C2orf92: variants seen among roughly 807,000 people sequenced by gnomAD.
C2orf92 encodes chromosome 2 open reading frame 92, also known as uncharacterized protein C2orf92.
intron 5 of C2orf92, among the ~76,000 whole-genome samples, chr2:97,697,750 CAG>C (rs1676357128): frequency 2.0e-5 from 3 of 152,136 alleles, no homozygotes; most frequent in South Asian, 4.2e-4. Flanking sequence ...TCTTTTGAGA[CAG>C]GGTCTCGCTC....
chr2:97,690,749 G>T (rs971375925), intron 5 of C2orf92, among the ~76,000 whole-genome samples: 1 of 148,354 alleles, frequency 6.7e-6, no homozygotes, highest in African/African-American at 2.5e-5. Flanking sequence ...AGACTCTCTT[G>T]TAGAGAGTAC....
At chr2:97,681,879 T>G (rs1006671608) in intron 3 of C2orf92, among the ~76,000 whole-genome samples, 5 of 151,250 alleles carry the variant, frequency 3.3e-5, no homozygotes, top group African/African-American at 1.2e-4. Flanking sequence ...GGGGGGATCT[T>G]AAATAAATAA....
intron 3 of C2orf92, among the ~76,000 whole-genome samples, chr2:97,676,267 A>G (rs893049120): frequency 6.6e-6 from 1 of 151,436 alleles, no homozygotes; most frequent in African/African-American, 2.4e-5. Context: ...CCCTATCTCT[A>G]CTCAAAAAAT....
intron 5 of C2orf92, among the ~76,000 whole-genome samples, chr2:97,695,684 A>G (rs1676283277): frequency 6.6e-6 from 1 of 152,164 alleles, no homozygotes; most frequent in African/African-American, 2.4e-5. Flanking sequence ...TTACTTTCAA[A>G]TCTTTATTTT....
intron 5 of C2orf92, among the ~76,000 whole-genome samples, chr2:97,696,463 G>T (rs930382256): frequency 1.8e-4 from 28 of 152,324 alleles, no homozygotes; most frequent in East Asian, 3.9e-4. Context: ...AAGGCTGGGT[G>T]TGGTGGCTCA....
chr2:97,666,259 C>A (rs1334728149), upstream of C2orf92, among the ~76,000 whole-genome samples: 1 of 147,730 alleles, frequency 6.8e-6, no homozygotes, highest in South Asian at 2.3e-4. Context: ...GAGTTGGGGC[C>A]GGGCGCGGTG....
chr2:97,695,736 CTTTCT>C lies in C2orf92; in HGVS notation c.404-3266_404-3262del, dbSNP rs372334285. Among the ~76,000 whole-genome samples, 690 of 151,400 alleles carry C rather than the reference CTTTCT, an allele frequency of 4.6e-3. 3 individuals are homozygous for C. The highest frequency in any genetic ancestry group is 6.8e-3 in the Middle Eastern group (2 of 294). On this transcript the variant is annotated intron_variant, in intron 5 of 7. Coordinates refer to ENST00000627399, the MANE Select transcript of C2orf92 (RefSeq NM_001351368.2). Reference sequence around the variant, plus strand: ...AGGACAACATTTTTTCTTTTATTTTCTTTCTTTTCTTTTCTTTTCTTTTCTTTTTC... The same window carrying C: ...AGGACAACATTTTTTCTTTTATTTTCTTTCTTTTCTTTTCTTTTCTTTTTC...
intron 3 of C2orf92, among the ~76,000 whole-genome samples, chr2:97,685,651 C>T (rs947180858): frequency 3.3e-5 from 5 of 152,072 alleles, no homozygotes; most frequent in Non-Finnish European, 7.4e-5. Flanking sequence ...CAACCTCCAC[C>T]TCCCAAGTTC....
chr2:97,664,008 C>A (rs369043931), upstream of C2orf92: 20 of 533,488 alleles, frequency 3.7e-5, no homozygotes, highest in East Asian at 4.8e-4. Flanking sequence ...CCTCCCTCCC[C>A]GAGCCTGCAG....
chr2:97,689,950 G>T (rs7425742), intron 4 of C2orf92, among the ~76,000 whole-genome samples: 1 of 151,982 alleles, frequency 6.6e-6, no homozygotes, highest in Non-Finnish European at 1.5e-5. Flanking sequence ...CCAACATGGC[G>T]AAACCCTGTC....
intron 3 of C2orf92, among the ~76,000 whole-genome samples, chr2:97,685,929 C>T (rs1401052835): frequency 6.6e-6 from 1 of 152,174 alleles, no homozygotes; most frequent in African/African-American, 2.4e-5. Context: ...TTGAAACCCT[C>T]ATACATTGCT....
chr2:97,669,456 C>T (rs754968930), upstream of C2orf92: 23 of 207,556 alleles, frequency 1.1e-4, no homozygotes, highest in African/African-American at 2.1e-4. Context: ...TTCCAATTCG[C>T]TTCAGCCAAT....
At chr2:97,670,132 T>C (rs1438235176) in intron 1 of C2orf92, 3 of 259,078 alleles carry the variant, frequency 1.2e-5, no homozygotes, top group East Asian at 6.5e-5. Flanking sequence ...GAAAGATTAG[T>C]ATAAAGAACC....
upstream of C2orf92, among the ~76,000 whole-genome samples, chr2:97,667,620 G>A (rs1044770445): frequency 6.6e-6 from 1 of 151,916 alleles, no homozygotes; most frequent in Non-Finnish European, 1.5e-5. Context: ...TTTTAGTAGA[G>A]ATGGGGTTTC....
chr2:97,698,665 G>C lies in C2orf92; in HGVS notation c.404-361G>C, dbSNP rs532401210. Among the ~76,000 whole-genome samples the C allele has an allele frequency of 1.2e-3, 184 of 152,204 alleles. 1 individual carries two copies. The highest frequency in any genetic ancestry group is 5.6e-3 in the South Asian group (27 of 4,822). On this transcript the variant is annotated intron_variant, in intron 5 of 7. Coordinates refer to ENST00000627399, the MANE Select transcript of C2orf92 (RefSeq NM_001351368.2). ...CTACCCACAGAAGCAGCGTCTTTCA[G>C]GATCTGTGAGACATACGCATTCCCA...
At chr2:97,669,246 A>C (rs1675330625), upstream of C2orf92, 2 of 151,956 alleles carry the variant, frequency 1.3e-5, no homozygotes, top group African/African-American at 4.8e-5. Flanking sequence ...TGGTGTTATA[A>C]TTTTACCTAA....
chr2:97,687,806 G>T (rs1331099029), intron 3 of C2orf92, among the ~76,000 whole-genome samples: 2 of 150,366 alleles, frequency 1.3e-5, no homozygotes, highest in Non-Finnish European at 2.9e-5. Context: ...AGAGGCCTCG[G>T]GCAGTCTGCA....
rs1422015759 is a variant in C2orf92 at position 97,688,948 on chromosome 2, G to T, written c.286G>T (p.Glu96Ter). 2 of 398,430 alleles carry T rather than the reference G, an allele frequency of 5.0e-6. No homozygotes were observed. Among genetic ancestry groups the T allele is most frequent in the Non-Finnish European group, 8.8e-6 (2 of 226,060 alleles). The allele number at this position is 398,430 out of a possible 1,614,324, so 24.7% of individuals were successfully genotyped here. The change falls in exon 4 of 8, where the codon GAA becomes TAA. Residue 96 changes from glutamate to a stop codon, truncating the protein, a stop_gained. Coordinates refer to ENST00000627399, the MANE Select transcript of C2orf92 (RefSeq NM_001351368.2). LOFTEE classifies it high-confidence loss of function. ...GTTTCCGTATGACCCATCATTTAAC[G>T]AAGCAACAGCAGTCAGATCCATTAC... ...PKFPYDPSFN[E>*]ATAVRSITKT... is the part of the protein sequence containing the mutation.
chr2:97,680,654 C>T (rs905897895), intron 3 of C2orf92, among the ~76,000 whole-genome samples: 3 of 152,006 alleles, frequency 2.0e-5, no homozygotes, highest in Admixed American at 6.6e-5. Context: ...AGGCCAGGGG[C>T]GGTGGCTCAC....
Sources: gnomAD v4.1 joint callset for allele counts (sites outside exome capture counted in the v4.1 genomes callset) on GRCh38, gnomAD v4.1.1 for gene constraint, MANE v1.5 for transcripts, NCBI Gene and HGNC (gene_info 2026-07-23, HGNC 2026-07-21) for gene names.